The following PCDHGA8 variants were observed in gnomAD, a reference collection of about 807,000 sequenced individuals.
The protein encoded by PCDHGA8 is protocadherin gamma-A8.
A neutral mutation model predicts 59.2 loss-of-function variants in PCDHGA8; 45 were observed. That is an observed-to-expected ratio of 0.76 (90% CI 0.60 to 0.98). PCDHGA8 has a LOEUF of 0.98. PCDHGA8 is among the 50% of genes least tolerant of loss of function. The probability of loss-of-function intolerance (pLI) is 0.00; values close to 1 mark genes in which losing one functional copy is unlikely to be tolerated. For missense variants in PCDHGA8, 1,257 were observed against 1,196.2 expected, an observed-to-expected ratio of 1.05 and a Z score of -0.75; for synonymous variants, 531 against 519.0, an observed-to-expected ratio of 1.02 and a Z score of -0.32.
intron 1 of PCDHGA8, among the ~76,000 whole-genome samples, chr5:141,483,575 A>G (rs1165739266): frequency 6.6e-6 from 1 of 152,194 alleles, no homozygotes; most frequent in Non-Finnish European, 1.5e-5. Flanking sequence ...GAATTCTGGC[A>G]TAAACACCTA....
intron 2 of PCDHGA8, among the ~76,000 whole-genome samples, chr5:141,502,170 G>A (rs1165631931): frequency 6.6e-6 from 1 of 152,128 alleles, no homozygotes; most frequent in Admixed American, 6.5e-5. Context: ...TTCAGTTGAG[G>A]AATTTAACAT....
At chr5:141,478,804 G>C (rs765938054) in intron 1 of PCDHGA8, 48 of 1,462,396 alleles carry the variant, frequency 3.3e-5, no homozygotes, top group Non-Finnish European at 4.1e-5. Context: ...GCACTCTTTT[G>C]CTATCACAAC....
chr5:141,425,221 C>T (rs2096862694), intron 1 of PCDHGA8, among the ~76,000 whole-genome samples: 1 of 152,068 alleles, frequency 6.6e-6, no homozygotes, highest in African/African-American at 2.4e-5. Context: ...TGTACTTTGA[C>T]TGGAATTAGT....
intron 1 of PCDHGA8, among the ~76,000 whole-genome samples, chr5:141,433,559 G>A (rs2154555800): frequency 6.6e-6 from 1 of 152,212 alleles, no homozygotes; most frequent in Non-Finnish European, 1.5e-5. Context: ...TTTCTGGCTG[G>A]GCGCGGTGGC....
At chr5:141,414,422 G>T (rs369608304) in intron 1 of PCDHGA8, 1 of 1,613,866 alleles carries the variant, frequency 6.2e-7, no homozygotes, top group Non-Finnish European at 8.5e-7. Context: ...GCCCTTGACA[G>T]GGAACAGGTA....
intron 1 of PCDHGA8, chr5:141,419,684 G>A (rs1286646418): frequency 5.4e-5 from 87 of 1,612,770 alleles, no homozygotes; most frequent in Non-Finnish European, 7.3e-5. Flanking sequence ...CTACCACGTG[G>A]TGCAGGCCAG....
At chr5:141,492,402 C>A (rs1254310448) in intron 1 of PCDHGA8, among the ~76,000 whole-genome samples, 1 of 152,232 alleles carries the variant, frequency 6.6e-6, no homozygotes, top group African/African-American at 2.4e-5. Flanking sequence ...TCGCAGCTCC[C>A]CTCTGCCGCT....
intron 2 of PCDHGA8, among the ~76,000 whole-genome samples, chr5:141,497,132 G>T (rs2099774325): frequency 6.6e-6 from 1 of 152,046 alleles, no homozygotes; most frequent in Non-Finnish European, 1.5e-5. Context: ...GTTGCAGTGA[G>T]CTGAGATCAC....
Position 141,436,609 on chromosome 5 carries a change from A to G in PCDHGA8, c.2424+41372A>G, listed in dbSNP as rs182981534. On this transcript the variant is annotated intron_variant, in intron 1 of 3. Coordinates refer to ENST00000398604, the MANE Select transcript of PCDHGA8 (RefSeq NM_032088.2). ...AAAGGTCGTGGTGATGGCTAGGGCT[A>G]ACAAAAATCTGATTCACAACATGCA... Among the ~76,000 whole-genome samples, 5 of 152,334 alleles carry G rather than the reference A, an allele frequency of 3.3e-5. No homozygotes were observed. The East Asian group carries it at 5.8e-4, about 18-fold the overall frequency.
chr5:141,472,769 T>C (rs2154571402), intron 1 of PCDHGA8, among the ~76,000 whole-genome samples: 1 of 151,816 alleles, frequency 6.6e-6, no homozygotes, highest in South Asian at 2.1e-4. Context: ...GCAGATCACC[T>C]GAGGTTGGGA....
intron 1 of PCDHGA8, chr5:141,398,763 G>C (rs767181565): frequency 3.7e-6 from 6 of 1,613,788 alleles, no homozygotes; most frequent in Non-Finnish European, 5.1e-6. Flanking sequence ...GTTTAGTCCT[G>C]ACTGCCTTGG....
intron 1 of PCDHGA8, chr5:141,440,761 C>T (rs2098198732): frequency 6.6e-6 from 1 of 152,172 alleles, no homozygotes; most frequent in African/African-American, 2.4e-5. Context: ...GCAGAGCTCC[C>T]ATCCCTTAGT....
intron 1 of PCDHGA8, among the ~76,000 whole-genome samples, chr5:141,455,423 CA>C (rs2098822271): frequency 6.6e-6 from 1 of 152,040 alleles, no homozygotes; most frequent in Non-Finnish European, 1.5e-5. Flanking sequence ...AGCGGGGCTC[CA>C]AAAGAGGAGG....
intron 1 of PCDHGA8, among the ~76,000 whole-genome samples, chr5:141,449,042 A>G (rs1211970675): frequency 6.6e-6 from 1 of 152,186 alleles, no homozygotes; most frequent in Non-Finnish European, 1.5e-5. Context: ...ATTATTAACC[A>G]GTCTCATAAA....
chr5:141,417,556 A>G, intron 1 of PCDHGA8: 1 of 333,096 alleles, frequency 3.0e-6, no homozygotes, highest in Non-Finnish European at 5.4e-6. Flanking sequence ...TGAAAGAGGT[A>G]GAGAAAAGTC....
At position 141,405,363 on chromosome 5, in the gene PCDHGA8, C is replaced by T. The variant is rs765508317; in HGVS notation, c.2424+10126C>T. The T allele has an allele frequency of 2.0e-5, 33 of 1,613,690 alleles. No individual in the cohort carries two copies. The highest frequency in any genetic ancestry group is 2.7e-5 in the African/African-American group (2 of 74,888). On this transcript the variant is annotated intron_variant, in intron 1 of 3. Coordinates refer to ENST00000398604, the MANE Select transcript of PCDHGA8 (RefSeq NM_032088.2). ...GATTCCAAGTTTCCTATAGAAGACACCCCTTTGGTTCCGGTGAGTTCATTT... is the reference window on the plus strand; with the variant it reads ...GATTCCAAGTTTCCTATAGAAGACATCCCTTTGGTTCCGGTGAGTTCATTT...
intron 1 of PCDHGA8, chr5:141,398,353 A>G: frequency 2.9e-6 from 4 of 1,397,978 alleles, no homozygotes; most frequent in Non-Finnish European, 4.0e-6. Flanking sequence ...GCCTTACTTC[A>G]CCGTGAGCGC....
intron 1 of PCDHGA8, chr5:141,423,923 G>C: frequency 8.0e-7 from 1 of 1,254,744 alleles, no homozygotes; most frequent in Non-Finnish European, 1.0e-6. Flanking sequence ...CAACTATGCT[G>C]GTTTGGTTTG....
intron 1 of PCDHGA8, chr5:141,410,011 G>T (rs2095347816): frequency 6.2e-7 from 1 of 1,613,184 alleles, no homozygotes; most frequent in South Asian, 1.1e-5. Context: ...ACAACGCCTG[G>T]CTGTCCTACC....
Sources: allele counts gnomAD v4.1 joint callset (sites outside exome capture counted in the v4.1 genomes callset), GRCh38; gene constraint gnomAD v4.1.1; transcripts MANE v1.5; gene names NCBI Gene and HGNC (gene_info 2026-07-23, HGNC 2026-07-21).